FBXL2: variants seen among roughly 807,000 people sequenced by gnomAD.
The protein encoded by FBXL2 is F-box and leucine rich repeat protein 2.
A neutral mutation model predicts 69.2 loss-of-function variants in FBXL2; 38 were observed. The observed-to-expected ratio is 0.55, with a 90% CI of 0.42 to 0.72. FBXL2 has a LOEUF of 0.72. FBXL2 is among the 30% of genes least tolerant of loss of function. FBXL2 has a pLI of 0.00. For missense variants in FBXL2, 354 were observed against 520.3 expected (o/e 0.68, Z 3.11); for synonymous variants, 192 against 201.3 (o/e 0.95, Z 0.39).
chr3:33,351,489 A>G (rs2040825489), intron 2 of FBXL2, among the ~76,000 whole-genome samples: 1 of 152,204 alleles, frequency 6.6e-6, no homozygotes, highest in Non-Finnish European at 1.5e-5. Flanking sequence ...GAGGAAAACT[A>G]CAAAACTCCA....
At chr3:33,346,261 T>C (rs1441145691) in intron 2 of FBXL2, among the ~76,000 whole-genome samples, 3 of 151,888 alleles carry the variant, frequency 2.0e-5, no homozygotes, top group Non-Finnish European at 4.4e-5. Context: ...AAATCAAGAA[T>C]CTAAGCCTCC....
At position 33,378,693 on chromosome 3, in the gene FBXL2, C is replaced by T. The variant is rs1271305859; in HGVS notation, c.903C>T (p.Asp301=). 1.9e-6 allele frequency: 3 copies of T among 1,613,186 alleles called. No individual in the cohort carries two copies. Among genetic ancestry groups the T allele is most frequent in the East Asian group, 2.2e-5 (1 of 44,876 alleles). Residue 301 remains aspartate (D), a synonymous_variant, in exon 13 of 15, where the codon GAC becomes GAT. Transcript: ENST00000484457. ...MDLEECILIT[D]STLIQLSIHC... is the part of the protein sequence containing the mutation. ...AGCATGTTTCTCTCCAGATAACCGACAGCACACTCATCCAGCTCTCCATTC... is the reference window on the plus strand; with the variant it reads ...AGCATGTTTCTCTCCAGATAACCGATAGCACACTCATCCAGCTCTCCATTC...
chr3:33,280,504 T>G (rs1013569427), intron 1 of FBXL2, among the ~76,000 whole-genome samples: 2 of 151,440 alleles, frequency 1.3e-5, no homozygotes, highest in South Asian at 2.1e-4. Flanking sequence ...AGTCCCGGAG[T>G]TCAAGACCAG....
At chr3:33,326,724 A>G (rs2038728657) in intron 2 of FBXL2, among the ~76,000 whole-genome samples, 1 of 152,146 alleles carries the variant, frequency 6.6e-6, no homozygotes, top group Non-Finnish European at 1.5e-5. Context: ...AAAAAAAATT[A>G]TCTTCCATAT....
intron 2 of FBXL2, among the ~76,000 whole-genome samples, chr3:33,334,938 C>T (rs62252097): frequency 6.6e-6 from 1 of 151,656 alleles, no homozygotes; most frequent in East Asian, 1.9e-4. Context: ...CCTCCCCCCA[C>T]CAAAAAAAAT....
chr3:33,419,045 T>C, the FBXL2 span, among the ~76,000 whole-genome samples: 17 of 152,226 alleles, frequency 1.1e-4, no homozygotes, highest in African/African-American at 3.6e-4. Context: ...TTTTCACCTA[T>C]CAGAACAGTA....
intron 2 of FBXL2, among the ~76,000 whole-genome samples, chr3:33,357,531 C>CT (rs11425930): frequency 0.88 from 114,046 of 129,416 alleles, 50,543 homozygotes; most frequent in Middle Eastern, 0.91. Context: ...TCCACTGAGT[C>CT]TTTTTTTTTT....
At chr3:33,420,956 A>C in the FBXL2 span, among the ~76,000 whole-genome samples, 4 of 152,194 alleles carry the variant, frequency 2.6e-5, no homozygotes, top group African/African-American at 7.2e-5. Flanking sequence ...TTGGTCTCCA[A>C]ATGAAAATGT....
chr3:33,410,570 G>A, the FBXL2 span, among the ~76,000 whole-genome samples: 3 of 152,156 alleles, frequency 2.0e-5, no homozygotes, highest in Non-Finnish European at 4.4e-5. Context: ...AGCTTATGAA[G>A]GCTGGTCAGC....
At chr3:33,421,433 C>T in the FBXL2 span, among the ~76,000 whole-genome samples, 1 of 152,140 alleles carries the variant, frequency 6.6e-6, no homozygotes, top group Non-Finnish European at 1.5e-5. Flanking sequence ...CCACCATGCT[C>T]AGCTACTTTT....
At chr3:33,286,663 C>T (rs2034652123) in intron 1 of FBXL2, among the ~76,000 whole-genome samples, 2 of 152,232 alleles carry the variant, frequency 1.3e-5, no homozygotes, top group African/African-American at 4.8e-5. Context: ...GGGCAGGCCT[C>T]CTTGAGCTGC....
chr3:33,301,413 A>G (rs1205655401), intron 2 of FBXL2, among the ~76,000 whole-genome samples: 1 of 152,172 alleles, frequency 6.6e-6, no homozygotes, highest in East Asian at 1.9e-4. Context: ...TACTGATCAC[A>G]TCAACCGAAG....
chr3:33,281,128 C>G (rs2125666358), intron 1 of FBXL2, among the ~76,000 whole-genome samples: 1 of 152,188 alleles, frequency 6.6e-6, no homozygotes, highest in East Asian at 1.9e-4. Flanking sequence ...TATACATGGG[C>G]CATGTTGGTG....
At chr3:33,383,871 A>G in intron 13 of FBXL2, 118 bp from the exon 14 acceptor site, 1 of 841,276 alleles carries the variant, frequency 1.2e-6, no homozygotes, top group East Asian at 2.6e-5. Context: ...TGCTGAGGGC[A>G]TTCTTGCTGT....
intron 2 of FBXL2, among the ~76,000 whole-genome samples, chr3:33,339,705 A>G (rs2125851367): frequency 6.6e-6 from 1 of 152,304 alleles, no homozygotes; most frequent in Admixed American, 6.5e-5. Flanking sequence ...ACCCAAAATG[A>G]AAGTTGGAAG....
intron 12 of FBXL2, among the ~76,000 whole-genome samples, chr3:33,402,065 A>G (rs2154056157): frequency 6.6e-6 from 1 of 152,316 alleles, no homozygotes; most frequent in Non-Finnish European, 1.5e-5. Flanking sequence ...TGACCGGAGA[A>G]CCTTTTTCTT....
At chr3:33,412,573 C>T in the FBXL2 span, 1 of 585,860 alleles carries the variant, frequency 1.7e-6, no homozygotes, top group Non-Finnish European at 3.0e-6. Flanking sequence ...GAGAGCAAGG[C>T]TCTGTCTCAA....
the FBXL2 span, among the ~76,000 whole-genome samples, chr3:33,416,301 A>T: frequency 6.6e-6 from 1 of 152,100 alleles, no homozygotes; most frequent in Non-Finnish European, 1.5e-5. Flanking sequence ...ATACATCCTA[A>T]AAGAACAGGT....
downstream of FBXL2, chr3:33,408,652 T>C: frequency 2.6e-6 from 4 of 1,567,984 alleles, no homozygotes; most frequent in Non-Finnish European, 3.5e-6. Flanking sequence ...CTGCACAAGG[T>C]TTCTTGCACA....
Sources: gnomAD v4.1 joint callset for allele counts (sites outside exome capture counted in the v4.1 genomes callset) on GRCh38, gnomAD v4.1.1 for gene constraint, MANE v1.5 for transcripts, NCBI Gene and HGNC (gene_info 2026-07-23, HGNC 2026-07-21) for gene names.